The following CEP192 variants were observed in gnomAD, a reference collection of about 807,000 sequenced individuals.
The protein encoded by CEP192 is centrosomal protein 192.
A neutral mutation model predicts 271.8 loss-of-function variants in CEP192; 151 were observed. The ratio of observed to expected loss-of-function variants is 0.56; its 90% CI spans 0.49 to 0.64. The LOEUF (loss-of-function observed/expected upper bound fraction) is 0.64, where lower values mean the gene tolerates loss of function less well. Ranked by LOEUF, CEP192 falls within the 30% of genes least tolerant of loss-of-function variation. The probability of loss-of-function intolerance (pLI) is 0.00; values close to 1 mark genes in which losing one functional copy is unlikely to be tolerated. For missense variants in CEP192, 2,910 were observed against 3,020.5 expected (o/e 0.96, Z 0.86); for synonymous variants, 995 against 1,076.5 (o/e 0.92, Z 1.48).
chr18:13,018,662 CT>C, intron 8 of CEP192, 47 bp downstream of exon 8: 1 of 1,322,808 alleles, frequency 7.6e-7, no homozygotes, highest in Non-Finnish European at 1.0e-6. Context: ...CTAGTTTTGA[CT>C]TTACTTTTTT....
intron 4 of CEP192, 64 bp downstream of exon 4, chr18:13,008,695 T>C: frequency 3.1e-6 from 4 of 1,292,950 alleles, no homozygotes; most frequent in Non-Finnish European, 4.2e-6. Flanking sequence ...CATTTCCTTA[T>C]CTTTGGATTT....
chr18:13,041,111 C>G (rs562812827), intron 14 of CEP192, among the ~76,000 whole-genome samples, 155 bp downstream of exon 14: 3 of 152,022 alleles, frequency 2.0e-5, no homozygotes, highest in Admixed American at 6.6e-5. Context: ...ATATGTAACC[C>G]CATATATCCT....
chr18:13,078,901 C>G (rs1275399518), intron 30 of CEP192, among the ~76,000 whole-genome samples: 1 of 152,080 alleles, frequency 6.6e-6, no homozygotes, highest in African/African-American at 2.4e-5. Context: ...GTTTTCTGAC[C>G]TTGTGATAGT....
chr18:12,991,678 C>T (rs2032856316), intron 1 of CEP192, among the ~76,000 whole-genome samples: 1 of 152,274 alleles, frequency 6.6e-6, no homozygotes. Flanking sequence ...GCCTCTGTGT[C>T]ATCGGGCTTT....
chr18:13,068,494 C>A, intron 24 of CEP192, 72 bp downstream of exon 24: 1 of 1,224,178 alleles, frequency 8.2e-7, no homozygotes, highest in South Asian at 1.3e-5. Context: ...AGATGTATTT[C>A]CTTTGTCAAT....
intron 39 of CEP192, among the ~76,000 whole-genome samples, chr18:13,104,125 TTTAA>T: frequency 6.6e-6 from 1 of 152,388 alleles, no homozygotes; most frequent in South Asian, 2.1e-4. Context: ...GTTTGCTCCA[TTTAA>T]TGCTGTCTCC....
intron 15 of CEP192, among the ~76,000 whole-genome samples, chr18:13,046,796 T>A (rs1045674614): frequency 1.3e-5 from 2 of 151,692 alleles, no homozygotes; most frequent in Admixed American, 1.3e-4. Flanking sequence ...ATCTTTCATC[T>A]GAGATTAGTT....
intron 3 of CEP192, among the ~76,000 whole-genome samples, chr18:13,002,595 A>G (rs2033722813): frequency 6.6e-6 from 1 of 152,198 alleles, no homozygotes; most frequent in Non-Finnish European, 1.5e-5. Flanking sequence ...CTCTTTAGAA[A>G]ACTTGTACCA....
chr18:13,055,978 G>T lies in CEP192; in HGVS notation c.3388G>T (p.Val1130Leu). 6.2e-7 allele frequency: 1 copy of T among 1,614,204 alleles called. No individual in the cohort carries two copies. Among genetic ancestry groups the T allele is most frequent in the South Asian group, 1.1e-5 (1 of 91,084 alleles). Residue 1130 changes from valine (V) to leucine (L), a missense_variant, in exon 19 of 45, where the codon GTA (valine) becomes TTA (leucine). Physicochemically the swap from Val to Leu is conservative, Grantham distance 32. Coordinates refer to ENST00000506447, the MANE Select transcript of CEP192 (RefSeq NM_032142.4). ...TTCTCTGAGTAGCAAGCCTGAATAT[G>T]TAAAACCTGACTTTAGATGGAGTAA... ...TTSLSSKPEYVKPDFRWSKDP... is the reference protein window; with the variant it reads ...TTSLSSKPEYLKPDFRWSKDP...
intron 3 of CEP192, among the ~76,000 whole-genome samples, chr18:13,002,073 A>G (rs1176178271): frequency 2.0e-5 from 3 of 152,132 alleles, no homozygotes; most frequent in Admixed American, 6.5e-5. Context: ...ATTTTTTTTT[A>G]GATTCTAAAA....
Position 13,092,426 on chromosome 18 carries a change from C to T in CEP192, c.6153C>T (p.Ser2051=). 5.0e-6 allele frequency: 8 copies of T among 1,602,786 alleles called. No individual in the cohort carries two copies. The highest frequency in any genetic ancestry group is 6.8e-6 in the Non-Finnish European group (8 of 1,171,480). ...ATGATGTTCAGCTCTTTTATGGAAGCATGTGTAAAATTATACTTTCAGTAA... is the reference window on the plus strand; with the variant it reads ...ATGATGTTCAGCTCTTTTATGGAAGTATGTGTAAAATTATACTTTCAGTAA... The part of the protein sequence containing the change: ...RPNDVQLFYG[S]MCKIILSVIG... The change falls in exon 34 of 45, where the codon AGC becomes AGT. Residue 2051 remains serine (S), a synonymous_variant. Coordinates refer to ENST00000506447, the MANE Select transcript of CEP192 (RefSeq NM_032142.4).
intron 32 of CEP192, chr18:13,088,649 A>AG (rs1329783738): frequency 2.1e-5 from 4 of 186,422 alleles, no homozygotes; most frequent in African/African-American, 9.3e-5. Flanking sequence ...ATAATTAGAA[A>AG]GGGGGTGTGG....
chr18:13,059,959 G>T (rs1256054080), intron 21 of CEP192, among the ~76,000 whole-genome samples: 3 of 152,166 alleles, frequency 2.0e-5, no homozygotes, highest in African/African-American at 7.2e-5. Flanking sequence ...TCTCCTCTTA[G>T]TTGATAGTGA....
Position 13,017,261 on chromosome 18 carries a change from A to G in CEP192, c.714A>G (p.Gly238=), listed in dbSNP as rs1214609060. 6.5e-7 allele frequency: 1 copy of G among 1,550,082 alleles called. No individual in the cohort carries two copies. Among genetic ancestry groups the G allele is most frequent in the African/African-American group, 1.4e-5 (1 of 73,004 alleles). Residue 238 remains glycine, a synonymous_variant, in exon 7 of 45, where the codon GGA becomes GGG. Transcript: ENST00000506447. ...ATTTTGAACAACTGGCAATTCCAGG[A>G]ATGATATATGAAGACCTAGAAGGAC... is the stretch of plus-strand genomic sequence containing the variant. ...EAYFEQLAIP[G]MIYEDLEGPE...
chr18:13,122,973 A>G (rs1240970917), intron 44 of CEP192, among the ~76,000 whole-genome samples: 1 of 152,158 alleles, frequency 6.6e-6, no homozygotes, highest in Non-Finnish European at 1.5e-5. Context: ...TCTAAATTGC[A>G]TTCCATTTTA....
Position 13,003,451 on chromosome 18 carries a change from G to GA in CEP192, c.290+1890dup, listed in dbSNP as rs545191456. On this transcript the variant is annotated intron_variant, in intron 3 of 44. Transcript: ENST00000506447. ...GCAACAGAGTGAGACTCTGTCTCAAGAAAAAAAAAAAAAAAAAAAAAGAAG... is the reference window on the plus strand; with the variant it reads ...GCAACAGAGTGAGACTCTGTCTCAAGAAAAAAAAAAAAAAAAAAAAAAGAAG... 3.1e-3 allele frequency among the ~76,000 whole-genome samples: 317 copies of GA among 101,496 alleles called. 3 individuals are homozygous for GA. Among genetic ancestry groups the GA allele is most frequent in the Non-Finnish European group, 3.8e-3 (188 of 48,954 alleles). 66.6% of individuals were successfully genotyped at this position (101,496 alleles called of 152,430 possible). A position where few individuals can be genotyped will look rare whatever the true frequency, so the allele number is the denominator to read the frequency against.
At chr18:13,050,480 A>G (rs979562780) in intron 17 of CEP192, among the ~76,000 whole-genome samples, 5 of 152,160 alleles carry the variant, frequency 3.3e-5, no homozygotes, top group Non-Finnish European at 7.4e-5. Flanking sequence ...ATGTCAATGG[A>G]GAGCTTAGTT....
intron 36 of CEP192, among the ~76,000 whole-genome samples, chr18:13,097,280 A>T (rs1462741338): frequency 6.6e-6 from 1 of 152,190 alleles, no homozygotes; most frequent in Non-Finnish European, 1.5e-5. Context: ...ATGTGTACTG[A>T]AACAGCTTTT....
At chr18:13,098,356 A>G (rs2039518628) in intron 36 of CEP192, among the ~76,000 whole-genome samples, 1 of 151,860 alleles carries the variant, frequency 6.6e-6, no homozygotes, top group East Asian at 1.9e-4. Context: ...GGTGGCTGCC[A>G]GGCGGAGACA....
Sources: gnomAD v4.1 joint callset for allele counts (sites outside exome capture counted in the v4.1 genomes callset) on GRCh38, gnomAD v4.1.1 for gene constraint, MANE v1.5 for transcripts, NCBI Gene and HGNC (gene_info 2026-07-23, HGNC 2026-07-21) for gene names.